Variants in CELF4 observed in about 807,000 individuals in gnomAD.
CELF4 encodes CUGBP Elav-like family member 4, also known as CUG-BP- and ETR-3-like factor 4.
In CELF4, 18 loss-of-function variants were observed where a neutral mutation model predicts 59.9. The ratio of observed to expected loss-of-function variants is 0.30; its 90% CI spans 0.21 to 0.45. The LOEUF (loss-of-function observed/expected upper bound fraction) is 0.45. CELF4 is among the 20% of genes least tolerant of loss of function. The pLI is 1.00. For missense variants in CELF4, 456 were observed against 689.0 expected (o/e 0.66, Z 3.79); for synonymous variants, 261 against 267.1 (o/e 0.98, Z 0.22).
intron 2 of CELF4, among the ~76,000 whole-genome samples, chr18:37,465,406 G>C (rs892413499): frequency 1.3e-5 from 2 of 152,150 alleles, no homozygotes; most frequent in African/African-American, 4.8e-5. Flanking sequence ...GGGGAAGAAA[G>C]CTGGCCCTGA....
chr18:37,456,075 G>A (rs908634671), intron 2 of CELF4, among the ~76,000 whole-genome samples: 1 of 152,138 alleles, frequency 6.6e-6, no homozygotes, highest in African/African-American at 2.4e-5. Flanking sequence ...CCTACCCTTG[G>A]TCACCTGTGG....
chr18:37,353,146 G>A lies in CELF4; in HGVS notation c.370-31265C>T, dbSNP rs994030951. Among the ~76,000 whole-genome samples the A allele has an allele frequency of 1.9e-4, 29 of 150,666 alleles. No homozygotes were observed. In the East Asian group the frequency reaches 4.1e-3, roughly 21 times the overall value. ...TGAGGCAGGAGAATTGCTTGAACCC[G>A]GGAGGCGGAAGTTGCAGTGAGCCGA... is the stretch of plus-strand genomic sequence containing the variant. On this transcript the variant is annotated intron_variant, in intron 2 of 12. Coordinates refer to ENST00000420428, the MANE Select transcript of CELF4 (RefSeq NM_020180.4).
chr18:37,312,281 C>T (rs1001508437), intron 3 of CELF4, among the ~76,000 whole-genome samples: 4 of 151,638 alleles, frequency 2.6e-5, no homozygotes, highest in Non-Finnish European at 4.4e-5. Flanking sequence ...ACTTCCTGAC[C>T]ATCAAGGAAG....
intron 2 of CELF4, among the ~76,000 whole-genome samples, chr18:37,442,756 C>A (rs1389794508): frequency 6.6e-6 from 1 of 152,232 alleles, no homozygotes; most frequent in Non-Finnish European, 1.5e-5. Flanking sequence ...CTGTGGAACC[C>A]TGAGCCACCT....
At chr18:37,311,048 A>G (rs2096628322) in intron 3 of CELF4, among the ~76,000 whole-genome samples, 1 of 151,988 alleles carries the variant, frequency 6.6e-6, no homozygotes. Context: ...ATTTGCTATG[A>G]TTAATATCCC....
chr18:37,287,709 G>C (rs1411479808), intron 3 of CELF4, among the ~76,000 whole-genome samples: 1 of 152,158 alleles, frequency 6.6e-6, no homozygotes, highest in Non-Finnish European at 1.5e-5. Context: ...GGAACTCAGA[G>C]GGCCCATGCT....
chr18:37,522,435 G>A (rs564722648), intron 1 of CELF4, among the ~76,000 whole-genome samples: 4 of 152,146 alleles, frequency 2.6e-5, no homozygotes, highest in African/African-American at 9.6e-5. Flanking sequence ...TAGGACTAAG[G>A]AACTGTCTCT....
intron 1 of CELF4, among the ~76,000 whole-genome samples, chr18:37,506,178 G>A (rs141793443): frequency 1.4e-3 from 205 of 151,790 alleles, no homozygotes; most frequent in South Asian, 2.5e-3. Context: ...CTTGAAGCCC[G>A]CGATGCTCCT....
At chr18:37,547,614 A>T (rs2099981893) in intron 1 of CELF4, among the ~76,000 whole-genome samples, 1 of 152,120 alleles carries the variant, frequency 6.6e-6, no homozygotes, top group Admixed American at 6.5e-5. Context: ...TTGCAGGGGG[A>T]GTGCTCTCAG....
At chr18:37,485,696 C>T in intron 1 of CELF4, 89 bp from the exon 2 acceptor site, 2 of 742,638 alleles carry the variant, frequency 2.7e-6, no homozygotes, top group Non-Finnish European at 3.8e-6. Flanking sequence ...AGGCTCCCGC[C>T]CCTCCCTGCC....
chr18:37,482,146 C>T (rs1187730807), intron 2 of CELF4, among the ~76,000 whole-genome samples: 1 of 152,088 alleles, frequency 6.6e-6, no homozygotes, highest in Non-Finnish European at 1.5e-5. Context: ...ACTTGGTGGT[C>T]AACTCCAAGC....
At chr18:37,333,226 G>C (rs1334604066) in intron 2 of CELF4, among the ~76,000 whole-genome samples, 3 of 152,120 alleles carry the variant, frequency 2.0e-5, no homozygotes, top group Non-Finnish European at 4.4e-5. Flanking sequence ...ATGGGGTGTG[G>C]AGGGGATTAA....
intron 3 of CELF4, among the ~76,000 whole-genome samples, chr18:37,278,398 T>C (rs56042442): frequency 0.15 from 22,467 of 152,176 alleles, 1,916 homozygotes; most frequent in Middle Eastern, 0.21. Flanking sequence ...CGTCCTCCAG[T>C]TGGGTATTGT....
At chr18:37,511,706 T>C (rs2099944540) in intron 1 of CELF4, among the ~76,000 whole-genome samples, 1 of 151,914 alleles carries the variant, frequency 6.6e-6, no homozygotes, top group Non-Finnish European at 1.5e-5. Flanking sequence ...AGGAGGTAGG[T>C]GGGATAAGTT....
intron 1 of CELF4, among the ~76,000 whole-genome samples, chr18:37,530,061 A>G (rs954073684): frequency 6.6e-6 from 1 of 152,190 alleles, no homozygotes; most frequent in Admixed American, 6.5e-5. Context: ...TATTGTCCCT[A>G]GAGACTGCAC....
chr18:37,502,792 C>T (rs1310743874), intron 1 of CELF4, among the ~76,000 whole-genome samples: 2 of 152,210 alleles, frequency 1.3e-5, no homozygotes, highest in East Asian at 3.9e-4. Flanking sequence ...ACCAATCAGC[C>T]AAGGCCTCGG....
chr18:37,333,268 G>T (rs770804575), intron 2 of CELF4, among the ~76,000 whole-genome samples: 5 of 152,034 alleles, frequency 3.3e-5, no homozygotes, highest in Non-Finnish European at 7.4e-5. Context: ...TCTGAACATC[G>T]TGCCTGGCAC....
chr18:37,418,235 G>A (rs570510989), intron 2 of CELF4, among the ~76,000 whole-genome samples: 5 of 152,352 alleles, frequency 3.3e-5, no homozygotes, highest in African/African-American at 1.2e-4. Flanking sequence ...CAAACCAGAG[G>A]TGGGCAGTGG....
chr18:37,563,731 C>G (rs925297164), intron 1 of CELF4, among the ~76,000 whole-genome samples: 1 of 152,156 alleles, frequency 6.6e-6, no homozygotes, highest in Non-Finnish European at 1.5e-5. Context: ...CACCCTCACC[C>G]CACCCCAACA....
Sources: gnomAD v4.1 joint callset for allele counts (sites outside exome capture counted in the v4.1 genomes callset) on GRCh38, gnomAD v4.1.1 for gene constraint, MANE v1.5 for transcripts, NCBI Gene and HGNC (gene_info 2026-07-23, HGNC 2026-07-21) for gene names.